ANGEL2: variants seen among roughly 807,000 people sequenced by gnomAD.
The protein encoded by ANGEL2 is angel homolog 2, also known as RNA 2',3'-cyclic phosphatase ANGEL2.
A neutral mutation model predicts 66.0 loss-of-function variants in ANGEL2; 41 were observed. That is an observed-to-expected ratio of 0.62 (90% CI 0.48 to 0.81). The LOEUF is 0.81. Ranked by LOEUF, ANGEL2 falls within the 30% of genes least tolerant of loss-of-function variation. The pLI, the probability that ANGEL2 is intolerant of heterozygous loss-of-function variation, is 0.00. For missense variants in ANGEL2, 561 were observed against 641.6 expected (o/e 0.87, Z 1.36); for synonymous variants, 208 against 226.5 (o/e 0.92, Z 0.73).
At chr1:213,001,204 CCTGCA>C (rs752196273) in intron 5 of ANGEL2, 7 of 322,572 alleles carry the variant, frequency 2.2e-5, no homozygotes, top group African/African-American at 4.5e-5. Context: ...TTTTTTACTA[CCTGCA>C]ATATAGTTCC....
chr1:213,015,324 A>C, intron 1 of ANGEL2: 2 of 1,332,688 alleles, frequency 1.5e-6, no homozygotes, highest in East Asian at 3.1e-5. Flanking sequence ...GGTTGGGGGA[A>C]GCAGGCCAGG....
intron 8 of ANGEL2, 128 bp from the exon 9 acceptor site, chr1:212,995,320 C>T: frequency 1.1e-5 from 7 of 633,630 alleles, no homozygotes; most frequent in Non-Finnish European, 1.8e-5. Context: ...AACTATGACA[C>T]AGTTTTTAGA....
chr1:212,997,308 T>C lies in ANGEL2; in HGVS notation c.1330A>G (p.Asn444Asp), dbSNP rs147366717. ...VLVTAEKLSSNLQHHFSLSSV... is the reference protein window; with the variant it reads ...VLVTAEKLSSDLQHHFSLSSV... ...GACAAACTGAAATGGTGCTGTAAATTTGAAGACAATCTAAATAGAAAAGAA... is the reference window on the plus strand; with the variant it reads ...GACAAACTGAAATGGTGCTGTAAATCTGAAGACAATCTAAATAGAAAAGAA... The change falls in exon 8 of 9, where the codon AAT (asparagine) becomes GAT (aspartate). Residue 444 changes from asparagine to aspartate, a missense_variant. By Grantham distance (23) the Asn-to-Asp change is conservative (BLOSUM62 1). Coordinates refer to ENST00000366962, the MANE Select transcript of ANGEL2 (RefSeq NM_144567.5). The C allele has an allele frequency of 8.7e-6, 14 of 1,606,184 alleles. No individual in the cohort carries two copies. Among genetic ancestry groups the C allele is most frequent in the African/African-American group, 2.7e-5 (2 of 74,864 alleles).
Position 212,993,486 on chromosome 1 carries a change from T to C in ANGEL2, c.*1555A>G, listed in dbSNP as rs1442148017. On this transcript the variant is annotated 3_prime_UTR_variant, in exon 9 of 9. Transcript: ENST00000366962. ...AGTACAAAGACTTAGTCCAAGACTA[T>C]TATTGTTTTCCAATTTAAGGTGAAG... 6.6e-6 allele frequency: 1 copy of C among 152,206 alleles called. No homozygotes were observed. Among genetic ancestry groups the C allele is most frequent in the Admixed American group, 6.5e-5 (1 of 15,286 alleles). 9.4% of individuals were successfully genotyped at this position (152,206 alleles called of 1,614,324 possible). A position where few individuals can be genotyped will look rare whatever the true frequency, so the allele number is the denominator to read the frequency against.
intron 1 of ANGEL2, chr1:213,015,302 G>C: frequency 2.3e-6 from 3 of 1,309,232 alleles, no homozygotes; most frequent in Non-Finnish European, 2.9e-6. Context: ...GCCAGCGCTG[G>C]TCTGGAGGCT....
intron 7 of ANGEL2, among the ~76,000 whole-genome samples, chr1:212,999,777 C>T (rs988391856): frequency 6.6e-6 from 1 of 152,220 alleles, no homozygotes; most frequent in African/African-American, 2.4e-5. Context: ...ACCCCTCTGA[C>T]AATCTTCTCC....
intron 4 of ANGEL2, 84 bp downstream of exon 4, chr1:213,007,045 G>T: frequency 1.5e-6 from 2 of 1,301,276 alleles, no homozygotes; most frequent in Non-Finnish European, 2.2e-6. Context: ...AGTGAGCCAT[G>T]ATTGTGCCAC....
At position 212,994,590 on chromosome 1, in the gene ANGEL2, T is replaced by C. The variant is rs2102682471; in HGVS notation, c.*451A>G. ...GTGAATGACCCAAGGCTTTCTAAGA[T>C]AAACTATTTAGAACTCAATAGAGGG... On this transcript the variant is annotated 3_prime_UTR_variant, in exon 9 of 9. Transcript: ENST00000366962. The C allele has an allele frequency of 1.3e-5, 2 of 152,460 alleles. No individual in the cohort carries two copies. The highest frequency in any genetic ancestry group is 6.8e-3 in the Middle Eastern group (2 of 294). The allele number at this position is 152,460 out of a possible 1,614,324, so 9.4% of individuals were successfully genotyped here. A position where few individuals can be genotyped will look rare whatever the true frequency, so the allele number is the denominator to read the frequency against.
At chr1:213,002,736 G>A (rs1572126000) in intron 5 of ANGEL2, among the ~76,000 whole-genome samples, 2 of 151,928 alleles carry the variant, frequency 1.3e-5, no homozygotes, top group Admixed American at 1.3e-4. Context: ...TGGGCAACAT[G>A]GTGAAACGCC....
Position 212,993,567 on chromosome 1 carries a change from A to G in ANGEL2, c.*1474T>C, listed in dbSNP as rs2075916450. On this transcript the variant is annotated 3_prime_UTR_variant, in exon 9 of 9. Coordinates refer to ENST00000366962, the MANE Select transcript of ANGEL2 (RefSeq NM_144567.5). ...ATTTACAATTCAGTGTAAAATTACT[A>G]CTTAGTAAAAATGCATATAATTCCT... The G allele has an allele frequency of 6.6e-6, 1 of 152,242 alleles. No individual in the cohort carries two copies. Among genetic ancestry groups the G allele is most frequent in the South Asian group, 2.1e-4 (1 of 4,836 alleles). 9.4% of individuals were successfully genotyped at this position (152,242 alleles called of 1,614,324 possible).
intron 8 of ANGEL2, among the ~76,000 whole-genome samples, chr1:212,995,629 T>C (rs1572100033): frequency 6.6e-6 from 1 of 152,234 alleles, no homozygotes; most frequent in African/African-American, 2.4e-5. Flanking sequence ...GAAGTGAAGA[T>C]GACATGCTCT....
chr1:213,010,110 C>T (rs1472225675), intron 2 of ANGEL2, among the ~76,000 whole-genome samples: 1 of 150,132 alleles, frequency 6.7e-6, no homozygotes, highest in Non-Finnish European at 1.5e-5. Context: ...AAGTCTTCAA[C>T]TATGAAGAAT....
chr1:213,003,677 A>G (rs1475863740), intron 5 of ANGEL2, among the ~76,000 whole-genome samples: 2 of 152,186 alleles, frequency 1.3e-5, no homozygotes, highest in Non-Finnish European at 2.9e-5. Context: ...GATCAACATA[A>G]CAGATGTTAA....
intron 5 of ANGEL2, 135 bp downstream of exon 5, chr1:213,004,898 G>T: frequency 2.7e-6 from 1 of 375,766 alleles, no homozygotes; most frequent in East Asian, 5.0e-5. Context: ...AAAAAGTCAT[G>T]GAAAATCATA....
At position 212,994,853 on chromosome 1, in the gene ANGEL2, A is replaced by G; in HGVS notation, c.*188T>C. On this transcript the variant is annotated 3_prime_UTR_variant, in exon 9 of 9. Coordinates refer to ENST00000366962, the MANE Select transcript of ANGEL2 (RefSeq NM_144567.5). ...AATTTAGAGCTCACTTGTCACGAAA[A>G]TATTTTTCATTATTAAAAAAAATTG... is the stretch of plus-strand genomic sequence containing the variant. The G allele has an allele frequency of 2.4e-6, 1 of 418,970 alleles. No individual in the cohort carries two copies. The highest frequency in any genetic ancestry group is 4.0e-6 in the Non-Finnish European group (1 of 252,468). The allele number at this position is 418,970 out of a possible 1,614,324, so 26.0% of individuals were successfully genotyped here. A position where few individuals can be genotyped will look rare whatever the true frequency, so the allele number is the denominator to read the frequency against.
At chr1:212,999,167 C>T (rs1222792539) in intron 7 of ANGEL2, among the ~76,000 whole-genome samples, 12 of 152,114 alleles carry the variant, frequency 7.9e-5, no homozygotes, top group South Asian at 2.1e-4. Context: ...CCACCACGCC[C>T]GGCCAGAATG....
intron 5 of ANGEL2, among the ~76,000 whole-genome samples, chr1:213,004,674 C>T (rs2076269794): frequency 6.6e-6 from 1 of 151,810 alleles, no homozygotes; most frequent in Non-Finnish European, 1.5e-5. Context: ...TCGAGACCAG[C>T]CTGGTCAACA....
In ANGEL2 at chr1:213,015,855, A is replaced by G. The variant is rs2076634137; in HGVS notation, c.-184T>C. On this transcript the variant is annotated 5_prime_UTR_variant, in exon 1 of 9. Coordinates refer to ENST00000366962, the MANE Select transcript of ANGEL2 (RefSeq NM_144567.5). ...GGCCTACACTCCATCTTGCGCAGTC[A>G]GAGTCCCTGAATGCCTTAACCCGGA... is the stretch of plus-strand genomic sequence containing the variant. 3 of 692,770 alleles carry G rather than the reference A, an allele frequency of 4.3e-6. No homozygotes were observed. The highest frequency in any genetic ancestry group is 1.8e-5 in the African/African-American group (1 of 55,808). The allele number at this position is 692,770 out of a possible 1,614,324, so 42.9% of individuals were successfully genotyped here. A position where few individuals can be genotyped will look rare whatever the true frequency, so the allele number is the denominator to read the frequency against.
chr1:213,003,557 T>G (rs1339823898), intron 5 of ANGEL2, among the ~76,000 whole-genome samples: 1 of 152,072 alleles, frequency 6.6e-6, no homozygotes, highest in Non-Finnish European at 1.5e-5. Flanking sequence ...AGAGAGATGA[T>G]TAGTGGAGCA....
Sources: gnomAD v4.1 joint callset for allele counts (sites outside exome capture counted in the v4.1 genomes callset) on GRCh38, gnomAD v4.1.1 for gene constraint, MANE v1.5 for transcripts, NCBI Gene and HGNC (gene_info 2026-07-23, HGNC 2026-07-21) for gene names.